The following CYRIA variants were observed in gnomAD, a reference collection of about 807,000 sequenced individuals.
The protein encoded by CYRIA is CYFIP related Rac1 interactor A.
Under a neutral mutation model 43.9 loss-of-function variants are expected in CYRIA, and 15 were observed. That is an observed-to-expected ratio of 0.34 (90% CI 0.23 to 0.53). CYRIA has a LOEUF of 0.53. CYRIA is among the 20% of genes least tolerant of loss of function. CYRIA has a pLI of 0.94. For synonymous variants in CYRIA, 117 were observed against 136.0 expected, an observed-to-expected ratio of 0.86 and a Z score of 0.97; for missense variants, 236 against 394.2, an observed-to-expected ratio of 0.60 and a Z score of 3.40.
At chr2:16,556,193 G>A (rs1457554430) in intron 10 of CYRIA, among the ~76,000 whole-genome samples, 1 of 152,038 alleles carries the variant, frequency 6.6e-6, no homozygotes, top group East Asian at 1.9e-4. Context: ...TTATCTTACG[G>A]CCTGATAGAC....
rs563041860 is a variant in CYRIA at position 16,555,916 on chromosome 2, T to C, written c.838-777A>G. On this transcript the variant is annotated intron_variant, in intron 10 of 11. Transcript: ENST00000381323. The stretch of plus-strand genomic sequence containing the variant: ...TGAGTTTCCTTCATGCTTGTTTCTT[T>C]AGTATCTTCACAAACCTAGGCAAGT... Among the ~76,000 whole-genome samples the C allele has an allele frequency of 3.9e-5, 6 of 152,304 alleles. No individual in the cohort carries two copies. The East Asian group carries it at 1.2e-3, about 29-fold the overall frequency.
At chr2:16,590,712 C>G (rs1296459286) in intron 2 of CYRIA, among the ~76,000 whole-genome samples, 1 of 152,082 alleles carries the variant, frequency 6.6e-6, no homozygotes, top group Non-Finnish European at 1.5e-5. Context: ...TAACATCAAC[C>G]AAGGTTAATT....
At chr2:16,557,272 G>A (rs959922779) in intron 10 of CYRIA, among the ~76,000 whole-genome samples, 1 of 152,050 alleles carries the variant, frequency 6.6e-6, no homozygotes, top group Non-Finnish European at 1.5e-5. Flanking sequence ...TCTTCTTCAA[G>A]GTCCACCTCA....
At chr2:16,577,980 A>G (rs1049411655) in intron 3 of CYRIA, among the ~76,000 whole-genome samples, 9 of 152,130 alleles carry the variant, frequency 5.9e-5, no homozygotes, top group Admixed American at 3.3e-4. Flanking sequence ...AAATGAAGAG[A>G]AAGCCACCAG....
chr2:16,620,729 G>A (rs1668963740), intron 2 of CYRIA, among the ~76,000 whole-genome samples: 1 of 152,130 alleles, frequency 6.6e-6, no homozygotes, highest in Non-Finnish European at 1.5e-5. Flanking sequence ...CTCTCTAAGT[G>A]AGTCCCTTGG....
At chr2:16,637,595 A>G (rs540432021) in intron 1 of CYRIA, among the ~76,000 whole-genome samples, 3 of 152,350 alleles carry the variant, frequency 2.0e-5, no homozygotes, top group Admixed American at 6.5e-5. Flanking sequence ...AATCTGTTAC[A>G]GTATCCTGAA....
At chr2:16,608,268 A>G (rs1034144122) in intron 2 of CYRIA, among the ~76,000 whole-genome samples, 1 of 152,178 alleles carries the variant, frequency 6.6e-6, no homozygotes, top group African/African-American at 2.4e-5. Context: ...AAAAATAAGC[A>G]TTTCCCCAAA....
chr2:16,663,647 A>C (rs1164383838), intron 1 of CYRIA, among the ~76,000 whole-genome samples: 1 of 151,660 alleles, frequency 6.6e-6, no homozygotes, highest in African/African-American at 2.4e-5. Context: ...GCAAATGCAA[A>C]CTGAATTCTT....
At chr2:16,616,344 C>A (rs1442458504) in intron 2 of CYRIA, among the ~76,000 whole-genome samples, 2 of 152,200 alleles carry the variant, frequency 1.3e-5, no homozygotes, top group Non-Finnish European at 2.9e-5. Flanking sequence ...TCCTCTCTCC[C>A]CTTGGCTGGT....
intron 1 of CYRIA, among the ~76,000 whole-genome samples, chr2:16,627,590 G>A (rs1309731330): frequency 6.6e-6 from 1 of 152,216 alleles, no homozygotes; most frequent in African/African-American, 2.4e-5. Context: ...ATGGGATTTA[G>A]CTTTTGAGTG....
At chr2:16,604,123 A>C (rs1485781581) in intron 2 of CYRIA, among the ~76,000 whole-genome samples, 1 of 152,184 alleles carries the variant, frequency 6.6e-6, no homozygotes, top group Non-Finnish European at 1.5e-5. Flanking sequence ...TTTATCGTTA[A>C]GTCTGACCTT....
At chr2:16,561,865 C>G in intron 6 of CYRIA, 140 bp downstream of exon 6, 1 of 791,310 alleles carries the variant, frequency 1.3e-6, no homozygotes, top group Non-Finnish European at 2.0e-6. Flanking sequence ...AAATTCTCAC[C>G]ACATTATATG....
At chr2:16,567,854 G>A (rs2103422231) in intron 3 of CYRIA, among the ~76,000 whole-genome samples, 1 of 152,240 alleles carries the variant, frequency 6.6e-6, no homozygotes, top group African/African-American at 2.4e-5. Flanking sequence ...AATGTGGTCT[G>A]GAAAGAGTGG....
intron 2 of CYRIA, among the ~76,000 whole-genome samples, chr2:16,606,546 T>TGAAAAAAAAAAAAAAA (rs1668404587): frequency 7.4e-6 from 1 of 134,658 alleles, no homozygotes. Context: ...ACAATATAAC[T>TGAAAAAAAAAAAAAAA]AAAAAAAAAA....
intron 3 of CYRIA, among the ~76,000 whole-genome samples, chr2:16,579,739 C>G (rs981084191): frequency 6.6e-6 from 1 of 151,726 alleles, no homozygotes; most frequent in Admixed American, 6.6e-5. Context: ...GTATCCCAAA[C>G]AGTTTGATTT....
chr2:16,662,977 A>ATTTATT (rs1329242139), intron 1 of CYRIA, among the ~76,000 whole-genome samples: 1 of 152,256 alleles, frequency 6.6e-6, no homozygotes, highest in African/African-American at 2.4e-5. Flanking sequence ...TACAAAGCAG[A>ATTTATT]TACTCAATAA....
chr2:16,609,998 A>G (rs1668536454), intron 2 of CYRIA, among the ~76,000 whole-genome samples: 1 of 152,218 alleles, frequency 6.6e-6, no homozygotes, highest in African/African-American at 2.4e-5. Flanking sequence ...GTACTCAGGG[A>G]TTTTGGCAGA....
At chr2:16,647,155 G>A (rs1465297672) in intron 1 of CYRIA, among the ~76,000 whole-genome samples, 1 of 152,178 alleles carries the variant, frequency 6.6e-6, no homozygotes, top group Non-Finnish European at 1.5e-5. Context: ...CAGGGGATGT[G>A]TTAATTTGCT....
chr2:16,565,318 G>A (rs1666888134), intron 4 of CYRIA, among the ~76,000 whole-genome samples: 1 of 151,952 alleles, frequency 6.6e-6, no homozygotes, highest in Non-Finnish European at 1.5e-5. Flanking sequence ...AAAGTAGCAG[G>A]GATTAAAGGC....
Sources: gnomAD v4.1 joint callset for allele counts (sites outside exome capture counted in the v4.1 genomes callset) on GRCh38, gnomAD v4.1.1 for gene constraint, MANE v1.5 for transcripts, NCBI Gene and HGNC (gene_info 2026-07-23, HGNC 2026-07-21) for gene names.